Variants in RPS6KC1 observed in about 807,000 individuals in gnomAD.
RPS6KC1 encodes inactive ribosomal protein S6 kinase delta-1.
RPS6KC1 carries 54 observed loss-of-function variants against 103.8 expected under a neutral mutation model. That is an observed-to-expected ratio of 0.52 (90% CI 0.42 to 0.65). The LOEUF (loss-of-function observed/expected upper bound fraction) is 0.65, where lower values mean the gene tolerates loss of function less well. RPS6KC1 is among the 30% of genes least tolerant of loss of function. The pLI, the probability that RPS6KC1 is intolerant of heterozygous loss-of-function variation, is 0.00. For synonymous variants in RPS6KC1, 439 were observed against 438.7 expected, an observed-to-expected ratio of 1.00 and a Z score of -0.01; for missense variants, 1,151 against 1,253.8, an observed-to-expected ratio of 0.92 and a Z score of 1.24.
intron 14 of RPS6KC1, among the ~76,000 whole-genome samples, chr1:213,265,424 A>G (rs1449496368): frequency 6.6e-6 from 1 of 152,240 alleles, no homozygotes; most frequent in African/African-American, 2.4e-5. Context: ...TGAAGAAGAA[A>G]GAACTTACAT....
chr1:213,831,054 C>A, the RPS6KC1 span, among the ~76,000 whole-genome samples: 1 of 152,192 alleles, frequency 6.6e-6, no homozygotes, highest in African/African-American at 2.4e-5. Context: ...CCTATTCCTG[C>A]TCCACACCAG....
At chr1:213,825,171 TG>T in the RPS6KC1 span, among the ~76,000 whole-genome samples, 1 of 152,228 alleles carries the variant, frequency 6.6e-6, no homozygotes, top group Non-Finnish European at 1.5e-5. Flanking sequence ...TCAATTAATA[TG>T]CTTCACATCT....
At chr1:213,715,982 G>A in the RPS6KC1 span, among the ~76,000 whole-genome samples, 1 of 151,956 alleles carries the variant, frequency 6.6e-6, no homozygotes, top group East Asian at 1.9e-4. Flanking sequence ...TTTAAATTCA[G>A]CATTTTCTAA....
chr1:213,802,574 T>G, the RPS6KC1 span, among the ~76,000 whole-genome samples: 1 of 152,350 alleles, frequency 6.6e-6, no homozygotes, highest in African/African-American at 2.4e-5. Context: ...GTATAGACTT[T>G]TATGTTTAGG....
the RPS6KC1 span, among the ~76,000 whole-genome samples, chr1:213,652,760 C>T: frequency 6.6e-6 from 1 of 152,116 alleles, no homozygotes; most frequent in Non-Finnish European, 1.5e-5. Context: ...ACCAGATGTG[C>T]GAGTGCAGCC....
the RPS6KC1 span, among the ~76,000 whole-genome samples, chr1:213,570,478 C>A: frequency 6.7e-3 from 1,022 of 152,272 alleles, 10 homozygotes; most frequent in African/African-American, 0.02. Flanking sequence ...AGAAGCATCC[C>A]CTTTTGCAGG....
At chr1:213,624,088 G>A in the RPS6KC1 span, among the ~76,000 whole-genome samples, 101,863 of 152,040 alleles carry the variant, frequency 0.67, 34,258 homozygotes, top group African/African-American at 0.75. Flanking sequence ...AACAAAAACC[G>A]CAGGGCAGAG....
chr1:213,597,459 A>T, the RPS6KC1 span, among the ~76,000 whole-genome samples: 1 of 152,198 alleles, frequency 6.6e-6, no homozygotes, highest in Non-Finnish European at 1.5e-5. Flanking sequence ...GATGTGAAGA[A>T]GGAAACAGAG....
At chr1:213,746,531 G>T in the RPS6KC1 span, among the ~76,000 whole-genome samples, 1 of 152,204 alleles carries the variant, frequency 6.6e-6, no homozygotes, top group Non-Finnish European at 1.5e-5. Context: ...GTCATTGTAA[G>T]ATCTTTGGCT....
At chr1:213,496,675 T>C in the RPS6KC1 span, among the ~76,000 whole-genome samples, 2 of 152,082 alleles carry the variant, frequency 1.3e-5, no homozygotes, top group African/African-American at 4.8e-5. Context: ...GGAGAATTGC[T>C]TGAACCCAGG....
At chr1:213,811,856 G>A in the RPS6KC1 span, among the ~76,000 whole-genome samples, 1 of 152,156 alleles carries the variant, frequency 6.6e-6, no homozygotes, top group Non-Finnish European at 1.5e-5. Context: ...TTAACACAAG[G>A]GTGGTATAAA....
At chr1:213,083,854 C>T (rs1211941861) in intron 3 of RPS6KC1, among the ~76,000 whole-genome samples, 1 of 152,092 alleles carries the variant, frequency 6.6e-6, no homozygotes, top group Non-Finnish European at 1.5e-5. Flanking sequence ...TATATCACTT[C>T]CAGGATTAGG....
the RPS6KC1 span, among the ~76,000 whole-genome samples, chr1:213,354,943 T>C: frequency 6.6e-6 from 1 of 152,114 alleles, no homozygotes; most frequent in African/African-American, 2.4e-5. Flanking sequence ...TCAGGCTGGG[T>C]GCAGTGGCTC....
At chr1:213,212,134 A>C (rs907168619) in intron 8 of RPS6KC1, among the ~76,000 whole-genome samples, 2 of 152,196 alleles carry the variant, frequency 1.3e-5, no homozygotes, top group African/African-American at 4.8e-5. Flanking sequence ...GGTGTTGTAC[A>C]TTCTGTGGGT....
chr1:213,282,032 G>C, the RPS6KC1 span, among the ~76,000 whole-genome samples: 1 of 152,170 alleles, frequency 6.6e-6, no homozygotes, highest in Admixed American at 6.5e-5. Flanking sequence ...TCCCTAGCCA[G>C]ACTGAGAACA....
chr1:213,177,907 T>C (rs1396396421), intron 8 of RPS6KC1, among the ~76,000 whole-genome samples: 1 of 152,040 alleles, frequency 6.6e-6, no homozygotes, highest in Non-Finnish European at 1.5e-5. Context: ...CAGGTTTGTT[T>C]AAATAAGGGC....
intron 8 of RPS6KC1, among the ~76,000 whole-genome samples, chr1:213,193,809 G>A (rs1400941601): frequency 6.6e-6 from 1 of 151,724 alleles, no homozygotes; most frequent in Non-Finnish European, 1.5e-5. Flanking sequence ...TGCATTTTTT[G>A]TAGATATGGG....
chr1:213,409,598 A>G, the RPS6KC1 span, among the ~76,000 whole-genome samples: 1 of 152,208 alleles, frequency 6.6e-6, no homozygotes, highest in Non-Finnish European at 1.5e-5. Context: ...GGACCTGAAT[A>G]AGAAAATAGT....
Position 213,242,969 on chromosome 1 carries a change from C to T in RPS6KC1, c.2911+311C>T, listed in dbSNP as rs557082377. On this transcript the variant is annotated intron_variant, in intron 12 of 14. Transcript: ENST00000366960. ...GTGTTTACAAGGACCTTTAAATACC[C>T]TGACCCTCTTTAGATGCATGATTTT... Among the ~76,000 whole-genome samples, 60 of 152,072 alleles carry T rather than the reference C, an allele frequency of 3.9e-4. 1 individual carries two copies. In the South Asian group the frequency reaches 0.012, roughly 29 times the overall value.
Sources: allele counts gnomAD v4.1 joint callset (sites outside exome capture counted in the v4.1 genomes callset), GRCh38; gene constraint gnomAD v4.1.1; transcripts MANE v1.5; gene names NCBI Gene and HGNC (gene_info 2026-07-23, HGNC 2026-07-21).